The following PTTG1IP2 variants were observed in gnomAD, a reference collection of about 807,000 sequenced individuals.
The protein encoded by PTTG1IP2 is PTTG1IP family member 2.
At chr7:90,500,262 C>T (rs1011281867) in intron 6 of PTTG1IP2, among the ~76,000 whole-genome samples, 2 of 152,102 alleles carry the variant, frequency 1.3e-5, no homozygotes, top group Non-Finnish European at 2.9e-5. Flanking sequence ...TCCAAAACTA[C>T]CTTCTATAAG....
At chr7:90,482,922 A>G (rs535803552) in intron 2 of PTTG1IP2, among the ~76,000 whole-genome samples, 1 of 152,290 alleles carries the variant, frequency 6.6e-6, no homozygotes, top group South Asian at 2.1e-4. Context: ...AGCCTACTTT[A>G]TCTATTGCAC....
At chr7:90,502,110 A>G (rs533048278) in intron 6 of PTTG1IP2, among the ~76,000 whole-genome samples, 8 of 152,314 alleles carry the variant, frequency 5.3e-5, no homozygotes, top group African/African-American at 1.9e-4. Context: ...AAGTTTTATC[A>G]TGTGATTGCA....
intron 6 of PTTG1IP2, among the ~76,000 whole-genome samples, chr7:90,501,830 G>A (rs1353618750): frequency 2.0e-5 from 3 of 152,156 alleles, no homozygotes; most frequent in Non-Finnish European, 4.4e-5. Flanking sequence ...TGGCAATGAG[G>A]TTTGCCACAT....
chr7:90,510,009 T>C lies in PTTG1IP2; in HGVS notation c.*51-3269T>C, dbSNP rs1158825144. On this transcript the variant is annotated intron_variant, in intron 6 of 6. Coordinates refer to ENST00000509356, the MANE Select transcript of PTTG1IP2 (RefSeq NM_001365443.2). ...GTGCCTTGAATTGCAGGATGCATTT[T>C]ACATACTAAGAGAAGAATCATATAC... 4.6e-5 allele frequency among the ~76,000 whole-genome samples: 7 copies of C among 152,338 alleles called. No homozygotes were observed. In the South Asian group the frequency reaches 1.0e-3, roughly 23 times the overall value.
chr7:90,470,369 C>T (rs1004342939), intron 1 of PTTG1IP2: 5 of 152,068 alleles, frequency 3.3e-5, no homozygotes, highest in African/African-American at 7.2e-5. Flanking sequence ...AGGCCTCTCT[C>T]GATTTCCTTC....
At chr7:90,488,509 A>T (rs1361912994) in intron 3 of PTTG1IP2, among the ~76,000 whole-genome samples, 1 of 152,174 alleles carries the variant, frequency 6.6e-6, no homozygotes, top group East Asian at 1.9e-4. Flanking sequence ...ATTTCCTGCT[A>T]TCTAGATGTA....
chr7:90,477,642 A>C (rs952573863), intron 1 of PTTG1IP2, among the ~76,000 whole-genome samples: 3 of 152,196 alleles, frequency 2.0e-5, no homozygotes, highest in Non-Finnish European at 4.4e-5. Flanking sequence ...ACCAGAGGAG[A>C]CATGATGACT....
At chr7:90,505,438 G>A (rs902094622) in intron 6 of PTTG1IP2, among the ~76,000 whole-genome samples, 4 of 152,198 alleles carry the variant, frequency 2.6e-5, no homozygotes, top group African/African-American at 9.7e-5. Context: ...TAGAATTAAA[G>A]AGAAGCCTTT....
At chr7:90,501,739 T>G (rs1224102221) in intron 6 of PTTG1IP2, among the ~76,000 whole-genome samples, 1 of 152,148 alleles carries the variant, frequency 6.6e-6, no homozygotes, top group African/African-American at 2.4e-5. Context: ...AGTCACAACA[T>G]TTTTTCTAGT....
At chr7:90,474,519 T>C (rs901639401) in intron 1 of PTTG1IP2, among the ~76,000 whole-genome samples, 1 of 152,196 alleles carries the variant, frequency 6.6e-6, no homozygotes, top group African/African-American at 2.4e-5. Flanking sequence ...CAGCACTGAA[T>C]ACAAAGAGCA....
At chr7:90,475,939 CA>C (rs71104471) in intron 1 of PTTG1IP2, among the ~76,000 whole-genome samples, 78,880 of 126,884 alleles carry the variant, frequency 0.62, 22,367 homozygotes, top group Non-Finnish European at 0.69. Context: ...GACTCTGTCT[CA>C]AAAAAAAAAA....
intron 6 of PTTG1IP2, among the ~76,000 whole-genome samples, chr7:90,510,464 C>T (rs1328881462): frequency 6.6e-6 from 1 of 152,084 alleles, no homozygotes; most frequent in African/African-American, 2.4e-5. Context: ...CATGTACACA[C>T]CTTTAACTCA....
intron 6 of PTTG1IP2, among the ~76,000 whole-genome samples, chr7:90,511,458 T>C (rs1798189603): frequency 6.6e-6 from 1 of 152,208 alleles, no homozygotes; most frequent in Non-Finnish European, 1.5e-5. Flanking sequence ...ATAATGACCC[T>C]GCCATTACTA....
chr7:90,479,346 A>G (rs2116055778), intron 2 of PTTG1IP2, 72 bp downstream of exon 2: 1 of 152,732 alleles, frequency 6.5e-6, no homozygotes, highest in Non-Finnish European at 1.5e-5. Context: ...TGTCATTTAA[A>G]AGATATGCTA....
intron 6 of PTTG1IP2, among the ~76,000 whole-genome samples, chr7:90,512,557 G>T (rs1213650844): frequency 2.0e-5 from 3 of 152,166 alleles, no homozygotes. Context: ...ATAAGATTAT[G>T]TCAGGATTTA....
chr7:90,478,934 T>G (rs927435798), intron 1 of PTTG1IP2, among the ~76,000 whole-genome samples: 1 of 152,148 alleles, frequency 6.6e-6, no homozygotes, highest in African/African-American at 2.4e-5. Context: ...ACAATGGAGT[T>G]GCCAATTTGT....
At chr7:90,477,156 G>C (rs1022802156) in intron 1 of PTTG1IP2, among the ~76,000 whole-genome samples, 10 of 152,168 alleles carry the variant, frequency 6.6e-5, no homozygotes, top group African/African-American at 2.4e-4. Flanking sequence ...CACGAAAAAT[G>C]TAATCAAGAG....
chr7:90,513,239 A>G lies in PTTG1IP2; in HGVS notation c.*51-39A>G, dbSNP rs565155885. The G allele has an allele frequency of 4.6e-5, 7 of 152,706 alleles. No individual in the cohort carries two copies. The East Asian group carries it at 1.4e-3, about 29-fold the overall frequency. 9.5% of individuals were successfully genotyped at this position (152,706 alleles called of 1,614,324 possible). A position where few individuals can be genotyped will look rare whatever the true frequency, so the allele number is the denominator to read the frequency against. ...GGTGAAACTTGAGAGTTAGCACTGT[A>G]TTGTATTTCCAATAATGAATGTGTC... is the stretch of plus-strand genomic sequence containing the variant. On this transcript the variant is annotated intron_variant, in intron 6 of 6. Transcript: ENST00000509356.
At chr7:90,477,453 A>G (rs1181858418) in intron 1 of PTTG1IP2, among the ~76,000 whole-genome samples, 1 of 152,216 alleles carries the variant, frequency 6.6e-6, no homozygotes, top group African/African-American at 2.4e-5. Context: ...TAATGTGTTG[A>G]GGAAGGAACT....
Sources: gnomAD v4.1 joint callset for allele counts (sites outside exome capture counted in the v4.1 genomes callset) on GRCh38, gnomAD v4.1.1 for gene constraint, MANE v1.5 for transcripts, NCBI Gene and HGNC (gene_info 2026-07-23, HGNC 2026-07-21) for gene names.